The following ZNF148 variants were observed in gnomAD, a reference collection of about 807,000 sequenced individuals.
ZNF148 encodes Beta-Enolase Repressor Factor-1.
Under a neutral mutation model 67.7 loss-of-function variants are expected in ZNF148, and 7 were observed. The ratio of observed to expected loss-of-function variants is 0.10; its 90% CI spans 0.06 to 0.19. The LOEUF is 0.19. Ranked by LOEUF, ZNF148 falls within the 10% of genes least tolerant of loss-of-function variation. ZNF148 has a pLI of 1.00. For missense variants in ZNF148, 583 were observed against 947.1 expected, an observed-to-expected ratio of 0.62 and a Z score of 5.05; for synonymous variants, 333 against 330.7, an observed-to-expected ratio of 1.01 and a Z score of -0.08.
At chr3:125,240,635 C>T (rs577808361) in intron 7 of ZNF148, among the ~76,000 whole-genome samples, 70 of 151,782 alleles carry the variant, frequency 4.6e-4, no homozygotes, top group African/African-American at 1.6e-3. Flanking sequence ...TGTGGTGGCA[C>T]ATGTCTGTGG....
intron 7 of ZNF148, among the ~76,000 whole-genome samples, chr3:125,273,260 T>C (rs1361731429): frequency 6.6e-6 from 1 of 152,214 alleles, no homozygotes; most frequent in Non-Finnish European, 1.5e-5. Context: ...AGCTATTTAA[T>C]ACAGTTGTGA....
At chr3:125,296,035 C>CA (rs34880801) in intron 4 of ZNF148, among the ~76,000 whole-genome samples, 15 of 150,142 alleles carry the variant, frequency 1.0e-4, no homozygotes, top group South Asian at 2.1e-4. Context: ...CTCAATATGC[C>CA]AAAAAAAAAA....
chr3:125,236,323 CA>C (rs1242506861), intron 7 of ZNF148, among the ~76,000 whole-genome samples: 1 of 152,114 alleles, frequency 6.6e-6, no homozygotes, highest in Non-Finnish European at 1.5e-5. Context: ...CTTGCCCTCA[CA>C]GAGTGTTGGG....
At chr3:125,268,592 C>T (rs539471271) in intron 7 of ZNF148, among the ~76,000 whole-genome samples, 1 of 152,220 alleles carries the variant, frequency 6.6e-6, no homozygotes, top group East Asian at 1.9e-4. Context: ...AAAACAAAAA[C>T]TATAAAAATC....
chr3:125,275,918 C>T (rs570515542), intron 7 of ZNF148, among the ~76,000 whole-genome samples: 13 of 152,250 alleles, frequency 8.5e-5, no homozygotes, highest in African/African-American at 2.4e-4. Flanking sequence ...GCCCTAAGAA[C>T]GGACAGCACA....
At chr3:125,344,740 T>A in intron 1 of ZNF148, 1 of 545,686 alleles carries the variant, frequency 1.8e-6, no homozygotes, top group Non-Finnish European at 3.4e-6. Context: ...TATGCTTTTT[T>A]AATATCCTTG....
chr3:125,291,098 C>G (rs74818969), intron 4 of ZNF148, among the ~76,000 whole-genome samples: 1 of 151,934 alleles, frequency 6.6e-6, no homozygotes, highest in East Asian at 1.9e-4. Flanking sequence ...TGGTCTACCC[C>G]CTCTCCCCAC....
At chr3:125,353,817 T>C (rs374319144) in intron 1 of ZNF148, among the ~76,000 whole-genome samples, 1 of 151,968 alleles carries the variant, frequency 6.6e-6, no homozygotes, top group Non-Finnish European at 1.5e-5. Context: ...TTCATGCTTG[T>C]AATCCCAGCA....
chr3:125,270,280 G>C (rs1265175645), intron 7 of ZNF148, among the ~76,000 whole-genome samples: 1 of 151,752 alleles, frequency 6.6e-6, no homozygotes, highest in African/African-American at 2.4e-5. Flanking sequence ...GCCAAAATCG[G>C]AGGATCACTT....
At chr3:125,313,026 T>C (rs569869216) in intron 4 of ZNF148, among the ~76,000 whole-genome samples, 56 of 152,312 alleles carry the variant, frequency 3.7e-4, no homozygotes, top group Non-Finnish European at 7.6e-4. Context: ...AGGAGAAACC[T>C]AGAAGTTAGA....
At chr3:125,335,330 A>T (rs9849383) in intron 1 of ZNF148, among the ~76,000 whole-genome samples, 117,156 of 151,976 alleles carry the variant, frequency 0.77, 45,695 homozygotes, top group African/African-American at 0.85. Context: ...ACCACCATAC[A>T]ACACTCTCTT....
intron 4 of ZNF148, among the ~76,000 whole-genome samples, chr3:125,312,616 T>C (rs1940276124): frequency 6.6e-6 from 1 of 152,112 alleles, no homozygotes; most frequent in Non-Finnish European, 1.5e-5. Context: ...GAGGGTAATA[T>C]CTCAAGCAGG....
At chr3:125,342,267 A>G (rs1941759628) in intron 1 of ZNF148, among the ~76,000 whole-genome samples, 1 of 152,122 alleles carries the variant, frequency 6.6e-6, no homozygotes, top group African/African-American at 2.4e-5. Flanking sequence ...AGATCCAAAT[A>G]GCTAAGCAAA....
intron 1 of ZNF148, among the ~76,000 whole-genome samples, chr3:125,370,615 G>A (rs1210682646): frequency 2.6e-5 from 4 of 152,206 alleles, no homozygotes; most frequent in African/African-American, 7.2e-5. Context: ...ACTCTCAAGA[G>A]TTGCCATTAC....
intron 1 of ZNF148, among the ~76,000 whole-genome samples, chr3:125,369,261 CAAAAAAAAAA>C (rs71148178): frequency 1.6e-4 from 2 of 12,888 alleles, no homozygotes; most frequent in Non-Finnish European, 2.4e-4. Context: ...GATCCTGCCT[CAAAAAAAAAA>C]AAAAAAAAAA....
intron 1 of ZNF148, among the ~76,000 whole-genome samples, chr3:125,335,149 G>GT (rs1276330823): frequency 1.3e-5 from 2 of 152,050 alleles, no homozygotes; most frequent in South Asian, 2.1e-4. Context: ...ACTTATTCAT[G>GT]TTTTTTTCTG....
chr3:125,363,209 A>C lies in ZNF148; in HGVS notation c.-234+11893T>G, dbSNP rs1235444408. Among the ~76,000 whole-genome samples the C allele has an allele frequency of 2.0e-5, 3 of 152,230 alleles. No homozygotes were observed. The East Asian group carries it at 5.8e-4, about 29-fold the overall frequency. ...TTAACTAGAATTGGAATGCATAATG[A>C]TTTCTTTTTAACTAGATTCTTCAAC... On this transcript the variant is annotated intron_variant, in intron 1 of 8. Coordinates refer to ENST00000360647, the MANE Select transcript of ZNF148 (RefSeq NM_021964.3).
intron 7 of ZNF148, among the ~76,000 whole-genome samples, chr3:125,265,860 C>T (rs796578778): frequency 3.4e-4 from 51 of 152,020 alleles, no homozygotes; most frequent in African/African-American, 1.2e-3. Flanking sequence ...TTAATTAATG[C>T]ACTTGTCTCT....
At chr3:125,328,750 T>A (rs966126901) in intron 2 of ZNF148, among the ~76,000 whole-genome samples, 1 of 151,816 alleles carries the variant, frequency 6.6e-6, no homozygotes, top group East Asian at 1.9e-4. Flanking sequence ...AAAACACACA[T>A]TATGGCCAAT....
Sources: gnomAD v4.1 joint callset for allele counts (sites outside exome capture counted in the v4.1 genomes callset) on GRCh38, gnomAD v4.1.1 for gene constraint, MANE v1.5 for transcripts, NCBI Gene and HGNC (gene_info 2026-07-23, HGNC 2026-07-21) for gene names.